CEP70: variants seen among roughly 807,000 people sequenced by gnomAD.
The protein encoded by CEP70 is centrosomal protein of 70 kDa.
In CEP70, 70 loss-of-function variants were observed where a neutral mutation model predicts 90.9. That is an observed-to-expected ratio of 0.77 (90% confidence interval 0.64 to 0.94). The LOEUF is 0.94. Ranked by LOEUF, CEP70 falls within the 40% of genes least tolerant of loss-of-function variation. CEP70 has a pLI of 0.00. For missense variants in CEP70, 648 were observed against 669.0 expected, an observed-to-expected ratio of 0.97 and a Z score of 0.35; for synonymous variants, 220 against 228.3, an observed-to-expected ratio of 0.96 and a Z score of 0.33.
chr3:138,496,656 G>C, intron 17 of CEP70: 1 of 985,234 alleles, frequency 1.0e-6, no homozygotes, highest in Non-Finnish European at 1.2e-6. Flanking sequence ...CTCCATGTCT[G>C]TTACTCAGTA....
At chr3:138,540,197 TA>T (rs151264503) in intron 6 of CEP70, among the ~76,000 whole-genome samples, 9 of 148,032 alleles carry the variant, frequency 6.1e-5, no homozygotes, top group Admixed American at 6.8e-5. Context: ...ACAAGCATAT[TA>T]AAAAAAAAAG....
Position 138,577,421 on chromosome 3 carries a change from G to C in CEP70, c.-5-4489C>G, listed in dbSNP as rs145320552. 2.8e-3 allele frequency among the ~76,000 whole-genome samples: 425 copies of C among 152,116 alleles called. 4 individuals are homozygous for C. The highest frequency in any genetic ancestry group is 0.018 in the Admixed American group (269 of 15,278). On this transcript the variant is annotated intron_variant, in intron 2 of 17. Coordinates refer to ENST00000264982, the MANE Select transcript of CEP70 (RefSeq NM_024491.4). The stretch of plus-strand genomic sequence containing the variant: ...CCCAGCACTTTGGGAGGCCAAGGCG[G>C]GCAGATCACGAAGTCAGGAGATCAA...
At chr3:138,497,554 C>G in intron 17 of CEP70, 1 of 963,514 alleles carries the variant, frequency 1.0e-6, no homozygotes, top group Non-Finnish European at 1.2e-6. Context: ...CAATCTGACC[C>G]TCAGTATAAG....
intron 11 of CEP70, among the ~76,000 whole-genome samples, chr3:138,512,406 A>G (rs1286356920): frequency 1.3e-5 from 2 of 152,164 alleles, no homozygotes; most frequent in African/African-American, 2.4e-5. Context: ...TATAACTTCT[A>G]TGTTATATTG....
At chr3:138,589,278 A>T (rs1237326813) in intron 2 of CEP70, among the ~76,000 whole-genome samples, 3 of 152,196 alleles carry the variant, frequency 2.0e-5, no homozygotes, top group African/African-American at 7.2e-5. Context: ...AAATGGAAAG[A>T]AAATATGAAG....
intron 17 of CEP70, chr3:138,495,969 C>T: frequency 2.0e-6 from 2 of 985,348 alleles, no homozygotes; most frequent in Non-Finnish European, 2.4e-6. Flanking sequence ...CCAATCCAGG[C>T]TCTTTTTTGA....
intron 6 of CEP70, among the ~76,000 whole-genome samples, chr3:138,559,323 C>T (rs2040231478): frequency 6.6e-6 from 1 of 152,118 alleles, no homozygotes; most frequent in Non-Finnish European, 1.5e-5. Context: ...GACATAATAG[C>T]TAAGAATGTA....
chr3:138,551,511 C>T (rs547952876), intron 6 of CEP70, among the ~76,000 whole-genome samples: 19 of 152,106 alleles, frequency 1.2e-4, no homozygotes, highest in Non-Finnish European at 1.6e-4. Context: ...TTTGGGAGAA[C>T]GAGGCAGGTG....
intron 11 of CEP70, among the ~76,000 whole-genome samples, chr3:138,519,395 T>C (rs1171226071): frequency 6.6e-5 from 10 of 151,898 alleles, no homozygotes; most frequent in Admixed American, 6.6e-4. Context: ...TTCATCAAAG[T>C]TGAAATGAAG....
chr3:138,571,392 A>C (rs1372664210), intron 3 of CEP70, 36 bp from the exon 4 acceptor site: 1 of 1,354,330 alleles, frequency 7.4e-7, no homozygotes, highest in African/African-American at 1.5e-5. Flanking sequence ...GGTTAACTTT[A>C]GATATAAAGT....
At chr3:138,568,084 G>A (rs1234358780) in intron 6 of CEP70, among the ~76,000 whole-genome samples, 1 of 152,088 alleles carries the variant, frequency 6.6e-6, no homozygotes, top group African/African-American at 2.4e-5. Flanking sequence ...TATTGGCACA[G>A]ATAGCCTTCC....
intron 13 of CEP70, among the ~76,000 whole-genome samples, chr3:138,504,027 C>A (rs1472635820): frequency 6.6e-6 from 1 of 152,130 alleles, no homozygotes; most frequent in East Asian, 1.9e-4. Context: ...TGTCTTCTTC[C>A]TCTTCTAGTC....
At chr3:138,572,074 GC>G (rs1310930750) in intron 3 of CEP70, among the ~76,000 whole-genome samples, 1 of 151,810 alleles carries the variant, frequency 6.6e-6, no homozygotes, top group Non-Finnish European at 1.5e-5. Flanking sequence ...CACCGCCCCA[GC>G]CCCTAAGTAT....
At chr3:138,522,563 A>T (rs187515962) in intron 11 of CEP70, among the ~76,000 whole-genome samples, 2 of 152,232 alleles carry the variant, frequency 1.3e-5, no homozygotes, top group African/African-American at 2.4e-5. Flanking sequence ...TCCCACAGAA[A>T]TACAAACTAC....
At chr3:138,551,745 TA>T (rs758898786) in intron 6 of CEP70, among the ~76,000 whole-genome samples, 17 of 82,408 alleles carry the variant, frequency 2.1e-4, no homozygotes, top group East Asian at 5.4e-4. Flanking sequence ...AAACTCCATC[TA>T]AAAAAAAAAA....
chr3:138,569,476 C>T (rs2041015905), intron 6 of CEP70, among the ~76,000 whole-genome samples: 1 of 152,176 alleles, frequency 6.6e-6, no homozygotes, highest in Non-Finnish European at 1.5e-5. Flanking sequence ...TCACAATAAA[C>T]ACCCAAGTTT....
chr3:138,577,257 A>C (rs1486854951), intron 2 of CEP70, among the ~76,000 whole-genome samples: 1 of 152,190 alleles, frequency 6.6e-6, no homozygotes, highest in African/African-American at 2.4e-5. Context: ...CGACGAGTTA[A>C]TGGGTGCAGC....
At chr3:138,549,535 T>C (rs566987238) in intron 6 of CEP70, among the ~76,000 whole-genome samples, 1 of 152,116 alleles carries the variant, frequency 6.6e-6, no homozygotes, top group Non-Finnish European at 1.5e-5. Context: ...CATACCCCCA[T>C]GCCCCACAGC....
intron 7 of CEP70, among the ~76,000 whole-genome samples, chr3:138,535,124 A>T (rs1470765088): frequency 6.6e-6 from 1 of 152,096 alleles, no homozygotes; most frequent in Non-Finnish European, 1.5e-5. Context: ...ATATTGTCAT[A>T]TTGTCTCTTA....
Sources: allele counts gnomAD v4.1 joint callset (sites outside exome capture counted in the v4.1 genomes callset), GRCh38; gene constraint gnomAD v4.1.1; transcripts MANE v1.5; gene names NCBI Gene and HGNC (gene_info 2026-07-23, HGNC 2026-07-21).